The following NFIA variants were observed in gnomAD, a reference collection of about 807,000 sequenced individuals.
NFIA encodes the protein nuclear factor I A, also known as nuclear factor 1 A-type.
NFIA carries 8 observed loss-of-function variants against 62.8 expected under a neutral mutation model. The observed-to-expected ratio is 0.13, with a 90% CI of 0.07 to 0.23. The LOEUF is 0.23. Ranked by LOEUF, NFIA falls within the 10% of genes least tolerant of loss-of-function variation. The pLI, the probability that NFIA is intolerant of heterozygous loss-of-function variation, is 1.00. For synonymous variants in NFIA, 235 were observed against 238.1 expected, an observed-to-expected ratio of 0.99 and a Z score of 0.12; for missense variants, 410 against 642.1, an observed-to-expected ratio of 0.64 and a Z score of 3.91.
chr1:61,149,167 A>T (rs1648229120), intron 2 of NFIA, among the ~76,000 whole-genome samples: 1 of 150,624 alleles, frequency 6.6e-6, no homozygotes, highest in Non-Finnish European at 1.5e-5. Context: ...GAATGCTGGG[A>T]TTACAGGCTT....
chr1:61,271,551 TCC>T (rs1657507238), intron 2 of NFIA, among the ~76,000 whole-genome samples: 1 of 152,188 alleles, frequency 6.6e-6, no homozygotes, highest in Admixed American at 6.5e-5. Flanking sequence ...GGGGTGGATC[TCC>T]AGAGCAGCTG....
In NFIA at chr1:61,368,182, T is replaced by C. The variant is rs138424480; in HGVS notation, c.946+8908T>C. ...TTAATTTCATGTTTGAAAATGAAGC[T>C]GTGTAAATATTCTAGAAGGGGAGGA... On this transcript the variant is annotated intron_variant, in intron 6 of 10. Transcript: ENST00000403491. Among the ~76,000 whole-genome samples the C allele has an allele frequency of 2.5e-3, 379 of 152,298 alleles. 1 individual carries two copies. Among genetic ancestry groups the C allele is most frequent in the African/African-American group, 8.7e-3 (362 of 41,560 alleles).
At position 61,088,974 on chromosome 1, in the gene NFIA, C is replaced by T. The variant is rs955275507; in HGVS notation, c.559+294C>T. ...TTTGATGAGGGGATGAGAGAAGCCT[C>T]GTGAAAACCCTTTTAATAAAGAGTA... On this transcript the variant is annotated intron_variant, in intron 2 of 10. Coordinates refer to ENST00000403491, the MANE Select transcript of NFIA (RefSeq NM_001134673.4). This position sits in a 1 kb window ranked among gnomAD's most constrained non-coding sequence, Gnocchi z 4.5. 6.6e-6 allele frequency among the ~76,000 whole-genome samples: 1 copy of T among 152,128 alleles called. No homozygotes were observed. The highest frequency in any genetic ancestry group is 2.4e-5 in the African/African-American group (1 of 41,408).
chr1:61,224,086 G>A (rs1164430129), intron 2 of NFIA, among the ~76,000 whole-genome samples: 1 of 151,990 alleles, frequency 6.6e-6, no homozygotes, highest in East Asian at 1.9e-4. Flanking sequence ...ATACAGTAAG[G>A]TCAGTTAGAC....
chr1:61,264,242 CTTT>C (rs1400522403), intron 2 of NFIA, among the ~76,000 whole-genome samples: 1 of 152,128 alleles, frequency 6.6e-6, no homozygotes, highest in Non-Finnish European at 1.5e-5. Flanking sequence ...CCCTCTTGGA[CTTT>C]TTGATGATCA....
In NFIA at chr1:61,088,733, G is replaced by A. The variant is rs1646263858; in HGVS notation, c.559+53G>A. 1.3e-6 allele frequency: 2 copies of A among 1,555,360 alleles called. No individual in the cohort carries two copies. Among genetic ancestry groups the A allele is most frequent in the Admixed American group, 3.6e-5 (2 of 55,700 alleles). On this transcript the variant is annotated intron_variant, in intron 2 of 10. Transcript: ENST00000403491. The surrounding 1 kb of genome is among the most constrained non-coding windows in gnomAD (Gnocchi z 4.5). ...ACTTTCTTGTGTGTGTTTCTTTCCT[G>A]ATGGCCTCCGCGTTATGCCGGATTC...
intron 3 of NFIA, among the ~76,000 whole-genome samples, chr1:61,322,339 A>G (rs1269441053): frequency 6.6e-6 from 1 of 152,206 alleles, no homozygotes; most frequent in African/African-American, 2.4e-5. Flanking sequence ...ACAGTAGTTA[A>G]TGTATATTGA....
rs1283229917 is a variant in NFIA, at chr1:61,441,327, G to GTC, written c.1513-13975_1513-13974insCT. ...TGTGTGTGTGTGTGTGTGTGTGTGT[G>GTC]TGTGTGTCTGTCTGTCTGTCTGTCT... On this transcript the variant is annotated intron_variant, in intron 10 of 10. Transcript: ENST00000403491. Among the ~76,000 whole-genome samples, 536 of 141,718 alleles carry GTC rather than the reference G, an allele frequency of 3.8e-3. 2 individuals carry two copies. Among genetic ancestry groups the GTC allele is most frequent in the African/African-American group, 0.014 (508 of 37,028 alleles). 93.0% of individuals were successfully genotyped at this position (141,718 alleles called of 152,430 possible). A position where few individuals can be genotyped will look rare whatever the true frequency, so the allele number is the denominator to read the frequency against.
At chr1:61,445,312 C>T (rs1667759166) in intron 10 of NFIA, among the ~76,000 whole-genome samples, 1 of 152,140 alleles carries the variant, frequency 6.6e-6, no homozygotes, top group African/African-American at 2.4e-5. Flanking sequence ...TGCACAAATC[C>T]CAACCGCAGC....
intron 2 of NFIA, among the ~76,000 whole-genome samples, chr1:61,100,211 C>T (rs1001681007): frequency 6.6e-6 from 1 of 152,160 alleles, no homozygotes; most frequent in Non-Finnish European, 1.5e-5. Flanking sequence ...TTTGAGGATT[C>T]TAAGTCCATG....
intron 4 of NFIA, among the ~76,000 whole-genome samples, chr1:61,349,082 C>A (rs1424481044): frequency 1.3e-5 from 2 of 152,140 alleles, no homozygotes; most frequent in African/African-American, 4.8e-5. Flanking sequence ...TAATCTCCCC[C>A]ACCCTTCCTC....
chr1:61,405,113 T>C (rs910501597), intron 8 of NFIA, among the ~76,000 whole-genome samples: 5 of 152,230 alleles, frequency 3.3e-5, no homozygotes, highest in Admixed American at 6.5e-5. Context: ...CTGGCCAATT[T>C]AGGATAGTAT....
chr1:61,301,248 A>G (rs1394030564), intron 3 of NFIA, among the ~76,000 whole-genome samples: 2 of 152,206 alleles, frequency 1.3e-5, no homozygotes, highest in African/African-American at 4.8e-5. Context: ...CACTAACTAG[A>G]AACTGAGAAC....
chr1:61,190,164 T>TC (rs1238107303), intron 2 of NFIA, among the ~76,000 whole-genome samples: 2 of 152,022 alleles, frequency 1.3e-5, no homozygotes, highest in African/African-American at 2.4e-5. Context: ...TGGTACTATT[T>TC]CCCCCCATGT....
intron 2 of NFIA, among the ~76,000 whole-genome samples, chr1:61,189,463 G>A (rs940103100): frequency 6.6e-6 from 1 of 152,026 alleles, no homozygotes; most frequent in Non-Finnish European, 1.5e-5. Context: ...TCAGGAGATC[G>A]AGACTATCCT....
chr1:61,177,981 C>T (rs1650506965), intron 2 of NFIA, among the ~76,000 whole-genome samples: 1 of 152,140 alleles, frequency 6.6e-6, no homozygotes, highest in South Asian at 2.1e-4. Context: ...ATTCATCTCC[C>T]TTCGAGCGCA....
intron 3 of NFIA, among the ~76,000 whole-genome samples, chr1:61,292,760 G>C (rs188548547): frequency 6.6e-6 from 1 of 152,134 alleles, no homozygotes; most frequent in Non-Finnish European, 1.5e-5. Flanking sequence ...GAGCTTTCTT[G>C]CTCCTTAAAA....
At chr1:61,263,179 C>T (rs370152125) in intron 2 of NFIA, among the ~76,000 whole-genome samples, 148 of 151,982 alleles carry the variant, frequency 9.7e-4, no homozygotes, top group African/African-American at 3.4e-3. Flanking sequence ...TCCTAGTAAC[C>T]AAAAATTAAA....
chr1:61,203,796 T>G (rs1652699737), intron 2 of NFIA, among the ~76,000 whole-genome samples: 2 of 152,112 alleles, frequency 1.3e-5, no homozygotes, highest in Admixed American at 6.6e-5. Context: ...AACTTTTGTT[T>G]GGACTGAATT....
Sources: gnomAD v4.1 joint callset for allele counts (sites outside exome capture counted in the v4.1 genomes callset) on GRCh38, gnomAD v4.1.1 for gene constraint, Gnocchi (gnomAD v3.1) non-coding constraint, MANE v1.5 for transcripts, NCBI Gene and HGNC (gene_info 2026-07-23, HGNC 2026-07-21) for gene names.